TMEM260: variants seen among roughly 807,000 people sequenced by gnomAD.
TMEM260 encodes protein O-mannosyl-transferase TMEM260.
Under a neutral mutation model 88.9 loss-of-function variants are expected in TMEM260, and 82 were observed. The observed-to-expected ratio is 0.92, with a 90% CI of 0.77 to 1.11. TMEM260 has a LOEUF of 1.11. Ranked by LOEUF, TMEM260 falls within the 50% of genes least tolerant of loss-of-function variation. The pLI is 0.00. For missense variants in TMEM260, 902 were observed against 853.4 expected, an observed-to-expected ratio of 1.06 and a Z score of -0.71; for synonymous variants, 314 against 309.3, an observed-to-expected ratio of 1.02 and a Z score of -0.16.
chr14:56,607,016 A>G lies in TMEM260; in HGVS notation c.636+1333A>G, dbSNP rs568968974. Among the ~76,000 whole-genome samples the G allele has an allele frequency of 3.9e-5, 6 of 152,378 alleles. No individual in the cohort carries two copies. In the South Asian group the frequency reaches 1.2e-3, roughly 32 times the overall value. ...TCACGTAAGTCCTTATGTAAATCTT[A>G]TTAAACAGCATAACAGGCAGTGTCT... On this transcript the variant is annotated intron_variant, in intron 5 of 15. Transcript: ENST00000261556.
At chr14:56,657,495 T>C in the TMEM260 span, among the ~76,000 whole-genome samples, 2 of 152,072 alleles carry the variant, frequency 1.3e-5, no homozygotes, top group Admixed American at 1.3e-4. Flanking sequence ...TTCTATAATG[T>C]GCCAGGTCTG....
rs767169812 is a variant in TMEM260 at position 56,647,462 on chromosome 14, G to T, written c.2089G>T (p.Glu697Ter). The change falls in exon 16 of 16, where the codon GAA becomes TAA. Residue 697 changes from glutamate (E) to a stop codon, truncating the protein, a stop_gained. Transcript: ENST00000261556. LOFTEE classifies it high-confidence loss of function. ...ILGALKHLRK[E>*]LQSLRNRKNV The stretch of plus-strand genomic sequence containing the variant: ...AGGTGCTCTAAAGCACCTAAGAAAA[G>T]AACTGCAAAGTCTGAGAAATAGGAA... 1 of 1,609,566 alleles carries T rather than the reference G, an allele frequency of 6.2e-7. No homozygotes were observed. The highest frequency in any genetic ancestry group is 1.7e-5 in the Admixed American group (1 of 58,796).
At chr14:56,640,835 A>T (rs1473811708) in intron 15 of TMEM260, among the ~76,000 whole-genome samples, 2 of 152,246 alleles carry the variant, frequency 1.3e-5, no homozygotes, top group Admixed American at 6.5e-5. Flanking sequence ...ACAGCACGAG[A>T]ACTACATGAC....
chr14:56,606,052 G>A (rs1336930281), intron 5 of TMEM260, among the ~76,000 whole-genome samples: 2 of 152,168 alleles, frequency 1.3e-5, no homozygotes, highest in Admixed American at 1.3e-4. Flanking sequence ...TCCTTGCCCT[G>A]TGCCATATGC....
chr14:56,617,416 A>G (rs1164448510), intron 9 of TMEM260, 119 bp downstream of exon 9: 3 of 616,544 alleles, frequency 4.9e-6, no homozygotes, highest in Non-Finnish European at 8.4e-6. Context: ...TTTTATATAC[A>G]TTTTTATAAA....
intron 3 of TMEM260, among the ~76,000 whole-genome samples, chr14:56,592,015 A>C (rs1885896410): frequency 6.6e-6 from 1 of 152,060 alleles, no homozygotes; most frequent in African/African-American, 2.4e-5. Context: ...GAAGGCTTTA[A>C]ATTTTTTACT....
chr14:56,627,489 CATG>C (rs2139612301), intron 12 of TMEM260, among the ~76,000 whole-genome samples: 1 of 152,196 alleles, frequency 6.6e-6, no homozygotes, highest in Admixed American at 6.5e-5. Flanking sequence ...AGATATTTAA[CATG>C]ATCTAATTTT....
intron 15 of TMEM260, among the ~76,000 whole-genome samples, chr14:56,644,305 A>AGAT (rs1394976580): frequency 6.6e-6 from 1 of 151,144 alleles, no homozygotes; most frequent in Non-Finnish European, 1.5e-5. Flanking sequence ...GTACCAAAAC[A>AGAT]ATATAGACCA....
chr14:56,625,946 A>G lies in TMEM260; in HGVS notation c.1547+416A>G, dbSNP rs539745421. 3.9e-5 allele frequency among the ~76,000 whole-genome samples: 6 copies of G among 152,352 alleles called. No homozygotes were observed. In the South Asian group the frequency reaches 1.2e-3, roughly 32 times the overall value. ...AGCTTAAGAATTTTTATAAAGGATA[A>G]GACATTTTTATAAATAAGAAAAACA... is the stretch of plus-strand genomic sequence containing the variant. On this transcript the variant is annotated intron_variant, in intron 12 of 15. Coordinates refer to ENST00000261556, the MANE Select transcript of TMEM260 (RefSeq NM_017799.4).
chr14:56,625,349 A>G (rs755819089), intron 11 of TMEM260, 33 bp from the exon 12 acceptor site: 2 of 1,598,448 alleles, frequency 1.3e-6, no homozygotes, highest in Non-Finnish European at 8.5e-7. Context: ...AAATATATTA[A>G]AAGTCTGACA....
At position 56,625,521 on chromosome 14, in the gene TMEM260, T is replaced by C. The variant is rs141898038; in HGVS notation, c.1538T>C (p.Val513Ala). 6.3e-6 allele frequency: 10 copies of C among 1,590,906 alleles called. No individual in the cohort carries two copies. The African/African-American group carries it at 1.1e-4, about 17-fold the overall frequency. The change falls in exon 12 of 16, where the codon GTA (valine) becomes GCA (alanine). Residue 513 changes from valine to alanine, a missense_variant. Transcript: ENST00000261556. ...VTFNLYHFLEVNKQKETFVCI... is the reference protein window; with the variant it reads ...VTFNLYHFLEANKQKETFVCI... Reference sequence around the variant, plus strand: ...TTTAATCTTTATCATTTTCTTGAAGTAAATAAACAGTAAGCATTCTTTTTA... The same window carrying C: ...TTTAATCTTTATCATTTTCTTGAAGCAAATAAACAGTAAGCATTCTTTTTA...
chr14:56,610,898 G>A (rs951467279), intron 6 of TMEM260, among the ~76,000 whole-genome samples: 2 of 151,152 alleles, frequency 1.3e-5, no homozygotes, highest in African/African-American at 4.9e-5. Context: ...TTATTAACAT[G>A]TAAATCATTT....
chr14:56,647,723 G>T lies in TMEM260; in HGVS notation c.*226G>T, dbSNP rs1890055485. ...CGTGTTACCAAATTACCATTTCAGT[G>T]AGAAGCTTTTGAAAAGTCTTCTGAC... On this transcript the variant is annotated 3_prime_UTR_variant, in exon 16 of 16. Coordinates refer to ENST00000261556, the MANE Select transcript of TMEM260 (RefSeq NM_017799.4). The T allele has an allele frequency of 2.6e-5, 13 of 504,214 alleles. No homozygotes were observed. In the South Asian group the frequency reaches 3.5e-4, roughly 14 times the overall value. 31.2% of individuals were successfully genotyped at this position (504,214 alleles called of 1,614,324 possible). A position where few individuals can be genotyped will look rare whatever the true frequency, so the allele number is the denominator to read the frequency against.
chr14:56,592,468 T>A (rs1885925845), intron 3 of TMEM260, among the ~76,000 whole-genome samples: 2 of 152,204 alleles, frequency 1.3e-5, no homozygotes, highest in Non-Finnish European at 2.9e-5. Context: ...TTGAGTGAGC[T>A]GCCACCAAAA....
chr14:56,639,721 T>C (rs1309489196), intron 15 of TMEM260, among the ~76,000 whole-genome samples: 1 of 152,198 alleles, frequency 6.6e-6, no homozygotes, highest in African/African-American at 2.4e-5. Context: ...GGGCAGGGAA[T>C]TCCCTTTCCT....
Position 56,647,296 on chromosome 14 carries a change from GAACT to G in TMEM260, c.1925_1928del (p.Asn642MetfsTer46). 6.2e-7 allele frequency: 1 copy of G among 1,614,072 alleles called. No individual in the cohort carries two copies. Among genetic ancestry groups the G allele is most frequent in the African/African-American group, 1.3e-5 (1 of 75,040 alleles). The stretch of plus-strand genomic sequence containing the variant: ...AGGAGCACCCAGTGAATTGGCACAA[GAACT>G]ATGCCATCGCCTGTGAGCGGATGCT... On this transcript the variant is annotated frameshift_variant, in exon 16 of 16. Coordinates refer to ENST00000261556, the MANE Select transcript of TMEM260 (RefSeq NM_017799.4). LOFTEE classifies it high-confidence loss of function.
intron 15 of TMEM260, 67 bp downstream of exon 15, chr14:56,636,665 T>C: frequency 7.4e-7 from 1 of 1,349,482 alleles, no homozygotes; most frequent in South Asian, 1.2e-5. Context: ...TTGTTCAGAA[T>C]GGATAGAGGG....
At chr14:56,606,869 TG>T (rs1886942394) in intron 5 of TMEM260, among the ~76,000 whole-genome samples, 1 of 152,202 alleles carries the variant, frequency 6.6e-6, no homozygotes, top group Non-Finnish European at 1.5e-5. Context: ...CGCTCCAGCC[TG>T]GGTGACAGAG....
the TMEM260 span, among the ~76,000 whole-genome samples, chr14:56,662,784 G>A: frequency 6.6e-6 from 1 of 152,224 alleles, no homozygotes; most frequent in Non-Finnish European, 1.5e-5. Context: ...GGGCATTTGG[G>A]AAGCACAGTT....
Sources: gnomAD v4.1 joint callset for allele counts (sites outside exome capture counted in the v4.1 genomes callset) on GRCh38, gnomAD v4.1.1 for gene constraint, MANE v1.5 for transcripts, NCBI Gene and HGNC (gene_info 2026-07-23, HGNC 2026-07-21) for gene names.